The following LIPA variants were observed in gnomAD, a reference collection of about 807,000 sequenced individuals.
LIPA encodes the protein lysosomal acid lipase/cholesteryl ester hydrolase.
In LIPA, 26 loss-of-function variants were observed where a neutral mutation model predicts 40.6. That is an observed-to-expected ratio of 0.64 (90% CI 0.47 to 0.89). The LOEUF is 0.89. Among genes scored for constraint, LIPA ranks in the 40% least tolerant of loss-of-function variants. The pLI is 0.00. For synonymous variants in LIPA, 188 were observed against 168.4 expected, an observed-to-expected ratio of 1.12 and a Z score of -0.90; for missense variants, 455 against 479.6, an observed-to-expected ratio of 0.95 and a Z score of 0.48.
chr10:89,337,321 G>C (rs1339053041), intron 1 of LIPA, among the ~76,000 whole-genome samples: 1 of 152,204 alleles, frequency 6.6e-6, no homozygotes. Context: ...CCCCAATAAA[G>C]AGTCATGGGA....
intron 1 of LIPA, chr10:89,306,217 C>A (rs750568486): frequency 1.2e-6 from 2 of 1,614,112 alleles, no homozygotes; most frequent in Admixed American, 3.3e-5. Context: ...AGCATGCTGA[C>A]CAGGCAGAAA....
At chr10:89,282,147 G>A (rs1843319298) in intron 1 of LIPA, among the ~76,000 whole-genome samples, 1 of 152,134 alleles carries the variant, frequency 6.6e-6, no homozygotes, top group Non-Finnish European at 1.5e-5. Context: ...TTGATTCCAG[G>A]ATATGGATTC....
At position 89,236,738 on chromosome 10, in the gene LIPA, G is replaced by A. The variant is rs183160299; in HGVS notation, c.230-8340C>T. On this transcript the variant is annotated intron_variant, in intron 3 of 9. Coordinates refer to ENST00000336233, the MANE Select transcript of LIPA (RefSeq NM_000235.4). The stretch of plus-strand genomic sequence containing the variant: ...AGTGCCAAAACCTTGCACTTTTTCC[G>A]AAATACCTTTTATCTCATATTGAAA... Among the ~76,000 whole-genome samples, 85 of 149,908 alleles carry A rather than the reference G, an allele frequency of 5.7e-4. 1 individual carries two copies. Among genetic ancestry groups the A allele is most frequent in the African/African-American group, 2.1e-3 (82 of 39,716 alleles).
At chr10:89,291,828 G>A (rs1443381156) in intron 1 of LIPA, among the ~76,000 whole-genome samples, 1 of 152,188 alleles carries the variant, frequency 6.6e-6, no homozygotes, top group Admixed American at 6.5e-5. Flanking sequence ...ACCAGGAAGG[G>A]GGCTTCCTAC....
At chr10:89,379,430 T>C (rs1347461581) in intron 2 of LIPA, among the ~76,000 whole-genome samples, 1 of 152,120 alleles carries the variant, frequency 6.6e-6, no homozygotes, top group Non-Finnish European at 1.5e-5. Flanking sequence ...AAATAAGAAA[T>C]TTTGTAGGCA....
intron 1 of LIPA, among the ~76,000 whole-genome samples, chr10:89,283,231 C>T (rs1001373352): frequency 6.6e-6 from 1 of 152,196 alleles, no homozygotes; most frequent in Non-Finnish European, 1.5e-5. Flanking sequence ...AAGGCAAATG[C>T]TGGGCTGTAA....
chr10:89,250,098 C>CTTTCTTTTTTTTTTTTTT lies in LIPA; in HGVS notation c.-2+1638_-2+1639insAAAAAAAAAAAAAAGAAA, dbSNP rs1564767178. The stretch of plus-strand genomic sequence containing the variant: ...TCTTTTTTCTTTTTCTTTTTCTTTT[C>CTTTCTTTTTTTTTTTTTT]TTTTCTTTCTTTTTTTTTTTTGAGA... On this transcript the variant is annotated intron_variant, in intron 1 of 9. Transcript: ENST00000336233. Among the ~76,000 whole-genome samples the CTTTCTTTTTTTTTTTTTT allele has an allele frequency of 8.2e-4, 83 of 101,620 alleles. 2 individuals are homozygous for CTTTCTTTTTTTTTTTTTT. Among genetic ancestry groups the CTTTCTTTTTTTTTTTTTT allele is most frequent in the South Asian group, 1.2e-3 (3 of 2,544 alleles). The allele number at this position is 101,620 out of a possible 152,430, so 66.7% of individuals were successfully genotyped here.
intron 2 of LIPA, chr10:89,393,270 C>A: frequency 1.6e-6 from 2 of 1,289,656 alleles, no homozygotes; most frequent in Non-Finnish European, 2.0e-6. Context: ...TGGCCTCTTA[C>A]AACAGGTTTT....
At chr10:89,260,156 T>C (rs558463891) in intron 1 of LIPA, among the ~76,000 whole-genome samples, 184 of 152,370 alleles carry the variant, frequency 1.2e-3, no homozygotes, top group African/African-American at 3.7e-3. Context: ...TCGTGTTGAA[T>C]CAGTAACCAC....
intron 2 of LIPA, among the ~76,000 whole-genome samples, chr10:89,410,467 T>A (rs190219468): frequency 1.3e-5 from 2 of 152,304 alleles, no homozygotes; most frequent in African/African-American, 4.8e-5. Flanking sequence ...GACCTTAACC[T>A]ATATACCGAT....
intron 2 of LIPA, chr10:89,406,072 T>A (rs1844526289): frequency 6.6e-6 from 1 of 152,238 alleles, no homozygotes; most frequent in Non-Finnish European, 1.5e-5. Context: ...AAATGCTATA[T>A]TTTCGTTGGA....
Position 89,225,119 on chromosome 10 carries a change from T to G in LIPA, c.648A>C (p.Leu216Phe), listed in dbSNP as rs774258507. 27 of 1,614,082 alleles carry G rather than the reference T, an allele frequency of 1.7e-5. No homozygotes were observed. The East Asian group carries it at 4.7e-4, about 28-fold the overall frequency. ...TAATGAGATGATCTGGTAATCGTCC[T>G]AATTTGGCCATAGGGCTAGTACAGA... is the stretch of plus-strand genomic sequence containing the variant. ...VAFCTSPMAKLGRLPDHLIKD... is the reference protein window; with the variant it reads ...VAFCTSPMAKFGRLPDHLIKD... Residue 216 changes from leucine (L) to phenylalanine (F), a missense_variant, in exon 6 of 10, where the codon TTA becomes TTC. Transcript: ENST00000336233.
intron 2 of LIPA, among the ~76,000 whole-genome samples, chr10:89,409,848 A>G (rs1841456503): frequency 6.6e-6 from 1 of 152,162 alleles, no homozygotes. Flanking sequence ...TTAGGGAGGG[A>G]TATATTAGCC....
chr10:89,362,596 G>A, intron 2 of LIPA: 1 of 333,678 alleles, frequency 3.0e-6, no homozygotes, highest in Non-Finnish European at 5.8e-6. Context: ...CTTTGCCTGG[G>A]CTGGGGCAAA....
chr10:89,335,332 C>T (rs535619426), intron 1 of LIPA: 2 of 152,234 alleles, frequency 1.3e-5, no homozygotes, highest in East Asian at 3.9e-4. Flanking sequence ...CCTGAGAGAT[C>T]CATATTCAGA....
At chr10:89,291,060 A>T (rs554353873) in intron 1 of LIPA, among the ~76,000 whole-genome samples, 2 of 152,202 alleles carry the variant, frequency 1.3e-5, no homozygotes, top group Non-Finnish European at 2.9e-5. Flanking sequence ...ATAATATTGC[A>T]AAATATGGAT....
At chr10:89,291,599 C>G (rs1185908365) in intron 1 of LIPA, among the ~76,000 whole-genome samples, 1 of 151,972 alleles carries the variant, frequency 6.6e-6, no homozygotes, top group African/African-American at 2.4e-5. Context: ...CACATACTGA[C>G]CTTTAGGCAG....
intron 1 of LIPA, chr10:89,302,075 A>G (rs766900948): frequency 2.1e-4 from 341 of 1,612,806 alleles, no homozygotes; most frequent in Non-Finnish European, 2.8e-4. Context: ...TGAAGAGTGC[A>G]GCTGCCTGAA....
At chr10:89,233,498 T>C (rs1842867379) in intron 3 of LIPA, among the ~76,000 whole-genome samples, 1 of 152,220 alleles carries the variant, frequency 6.6e-6, no homozygotes, top group Admixed American at 6.5e-5. Context: ...TATCAAGAAG[T>C]GATTTGAAAA....
Sources: gnomAD v4.1 joint callset for allele counts (sites outside exome capture counted in the v4.1 genomes callset) on GRCh38, gnomAD v4.1.1 for gene constraint, MANE v1.5 for transcripts, NCBI Gene and HGNC (gene_info 2026-07-23, HGNC 2026-07-21) for gene names.